Variants in HYCC1 observed in about 807,000 individuals in gnomAD.
HYCC1 encodes the protein hyccin PI4KA lipid kinase complex subunit 1, also known as hyccin.
chr7:22,920,780 G>A, the HYCC1 span, among the ~76,000 whole-genome samples: 2 of 152,060 alleles, frequency 1.3e-5, no homozygotes, highest in Non-Finnish European at 2.9e-5. Flanking sequence ...TACAAATCTC[G>A]TGTTGAAATG....
the HYCC1 span, among the ~76,000 whole-genome samples, chr7:22,926,856 C>A: frequency 6.6e-6 from 1 of 151,624 alleles, no homozygotes; most frequent in Admixed American, 6.6e-5. Flanking sequence ...ACAGAACTCT[C>A]CACCCCAAAT....
the HYCC1 span, among the ~76,000 whole-genome samples, chr7:22,962,743 C>T: frequency 6.6e-6 from 1 of 151,394 alleles, no homozygotes; most frequent in Non-Finnish European, 1.5e-5. Flanking sequence ...CACTACCTCC[C>T]CCCATTTCCA....
At chr7:22,934,206 C>CTTTTTTTTTTTTT in the HYCC1 span, 9 of 100,168 alleles carry the variant, frequency 9.0e-5, no homozygotes, top group Non-Finnish European at 1.5e-4. Flanking sequence ...TCTTTTTTTT[C>CTTTTTTTTTTTTT]TTTTTTTTTT....
At chr7:22,928,774 T>C in the HYCC1 span, among the ~76,000 whole-genome samples, 1 of 152,034 alleles carries the variant, frequency 6.6e-6, no homozygotes, top group East Asian at 1.9e-4. Flanking sequence ...AGGTAATTTA[T>C]AGATTCAATG....
the HYCC1 span, among the ~76,000 whole-genome samples, chr7:23,012,764 T>A: frequency 6.6e-6 from 1 of 152,140 alleles, no homozygotes; most frequent in Non-Finnish European, 1.5e-5. Flanking sequence ...AATGTTTTCA[T>A]GGAAAACAAG....
chr7:23,008,724 T>C, the HYCC1 span, among the ~76,000 whole-genome samples: 2 of 152,110 alleles, frequency 1.3e-5, no homozygotes, highest in African/African-American at 4.8e-5. Context: ...TATATCCATA[T>C]CTATAGACAG....
the HYCC1 span, among the ~76,000 whole-genome samples, chr7:22,995,977 C>T: frequency 6.6e-6 from 1 of 152,170 alleles, no homozygotes; most frequent in South Asian, 2.1e-4. Context: ...TTCCTTTTAA[C>T]TATAAAAGTA....
the HYCC1 span, among the ~76,000 whole-genome samples, chr7:23,011,231 T>C: frequency 6.6e-6 from 1 of 152,216 alleles, no homozygotes; most frequent in African/African-American, 2.4e-5. Context: ...TTCACCAGGC[T>C]AAAGGCTTTC....
the HYCC1 span, among the ~76,000 whole-genome samples, chr7:22,906,353 G>A: frequency 7.6e-4 from 116 of 152,150 alleles, no homozygotes; most frequent in Non-Finnish European, 1.3e-3. Flanking sequence ...CAAGGCAGGC[G>A]GATCACCTGA....
At chr7:22,962,578 GA>G in the HYCC1 span, among the ~76,000 whole-genome samples, 127 of 137,212 alleles carry the variant, frequency 9.3e-4, no homozygotes, top group South Asian at 1.2e-3. Flanking sequence ...CTGAGGGTAA[GA>G]AAAAAAAAAA....
the HYCC1 span, among the ~76,000 whole-genome samples, chr7:22,977,074 A>G: frequency 2.4e-4 from 29 of 118,636 alleles, no homozygotes; most frequent in South Asian, 3.6e-3. Context: ...CCGCCGGCCA[A>G]CACACACAAG....
chr7:22,985,202 T>C, the HYCC1 span, among the ~76,000 whole-genome samples: 1 of 152,206 alleles, frequency 6.6e-6, no homozygotes, highest in African/African-American at 2.4e-5. Flanking sequence ...ATGTCTCATA[T>C]CCTAGTATTT....
At chr7:22,989,324 A>ACG in the HYCC1 span, among the ~76,000 whole-genome samples, 3 of 140,340 alleles carry the variant, frequency 2.1e-5, no homozygotes, top group Non-Finnish European at 4.7e-5. Context: ...ACACACACAC[A>ACG]AGATTTAATC....
At chr7:23,005,829 CA>C in the HYCC1 span, among the ~76,000 whole-genome samples, 10 of 152,286 alleles carry the variant, frequency 6.6e-5, no homozygotes, top group African/African-American at 2.4e-4. Flanking sequence ...ATTTCTCCAA[CA>C]ATCTATTTGA....
the HYCC1 span, among the ~76,000 whole-genome samples, chr7:22,984,223 C>T: frequency 2.0e-5 from 3 of 152,090 alleles, no homozygotes; most frequent in Admixed American, 1.3e-4. Context: ...GAATTAGATG[C>T]TGGCATTGGT....
the HYCC1 span, among the ~76,000 whole-genome samples, chr7:22,978,699 G>A: frequency 0.049 from 7,526 of 152,136 alleles, 255 homozygotes; most frequent in Non-Finnish European, 0.078. Context: ...CCTATCTCCC[G>A]CCTCCTGAGT....
the HYCC1 span, among the ~76,000 whole-genome samples, chr7:22,899,669 T>A: frequency 6.6e-6 from 1 of 152,242 alleles, no homozygotes; most frequent in Non-Finnish European, 1.5e-5. Context: ...TAAATGCCAA[T>A]TCTTTTTTTC....
chr7:22,990,685 C>A, the HYCC1 span, among the ~76,000 whole-genome samples: 1 of 152,198 alleles, frequency 6.6e-6, no homozygotes, highest in Admixed American at 6.5e-5. Context: ...GAGCAAATAT[C>A]TTCCCATCCT....
chr7:22,948,976 C>T, the HYCC1 span, among the ~76,000 whole-genome samples: 4 of 152,106 alleles, frequency 2.6e-5, no homozygotes, highest in South Asian at 8.3e-4. Context: ...ATCGCCATGG[C>T]ACTGTGGAGT....
Sources: allele counts gnomAD v4.1 joint callset (sites outside exome capture counted in the v4.1 genomes callset), GRCh38; gene constraint gnomAD v4.1.1; transcripts MANE v1.5; gene names NCBI Gene and HGNC (gene_info 2026-07-23, HGNC 2026-07-21).